Variants in NXPH1 observed in about 807,000 individuals in gnomAD.
The protein encoded by NXPH1 is neurexophilin-1.
NXPH1 carries 5 observed loss-of-function variants against 23.7 expected under a neutral mutation model. That is an observed-to-expected ratio of 0.21 (90% CI 0.11 to 0.44). The LOEUF is 0.44. Among genes scored for constraint, NXPH1 ranks in the 20% least tolerant of loss-of-function variants. The pLI is 0.99. For synonymous variants in NXPH1, 144 were observed against 122.2 expected, an observed-to-expected ratio of 1.18 and a Z score of -1.18; for missense variants, 324 against 321.6, an observed-to-expected ratio of 1.01 and a Z score of -0.06.
intron 2 of NXPH1, among the ~76,000 whole-genome samples, chr7:8,553,428 C>A (rs1245640244): frequency 6.6e-6 from 1 of 150,486 alleles, no homozygotes; most frequent in South Asian, 2.1e-4. Flanking sequence ...CAGAAATTGG[C>A]TGGTACATAA....
At chr7:8,714,209 T>C (rs1779842249) in intron 2 of NXPH1, among the ~76,000 whole-genome samples, 1 of 152,108 alleles carries the variant, frequency 6.6e-6, no homozygotes, top group Non-Finnish European at 1.5e-5. Context: ...TCTTCCTGTG[T>C]CCATCACCAC....
intron 2 of NXPH1, among the ~76,000 whole-genome samples, chr7:8,702,387 A>G (rs571765159): frequency 3.3e-5 from 5 of 152,070 alleles, no homozygotes; most frequent in Non-Finnish European, 7.4e-5. Flanking sequence ...ACTTATTCAA[A>G]CCCGATATTT....
At chr7:8,671,978 CATT>C (rs1820875332) in intron 2 of NXPH1, among the ~76,000 whole-genome samples, 4 of 151,990 alleles carry the variant, frequency 2.6e-5, no homozygotes, top group African/African-American at 9.7e-5. Context: ...TGTTTGAGTT[CATT>C]GTAGATTCTG....
chr7:8,584,221 T>A (rs1818937015), intron 2 of NXPH1, among the ~76,000 whole-genome samples: 1 of 152,188 alleles, frequency 6.6e-6, no homozygotes, highest in Non-Finnish European at 1.5e-5. Flanking sequence ...GAATCAGGAC[T>A]TGGCCCTAGA....
At chr7:8,436,395 C>T (rs1816195596) in intron 2 of NXPH1, among the ~76,000 whole-genome samples, 1 of 152,196 alleles carries the variant, frequency 6.6e-6, no homozygotes, top group African/African-American at 2.4e-5. Flanking sequence ...AACTAAATCC[C>T]ATCTCCAGTG....
intron 2 of NXPH1, among the ~76,000 whole-genome samples, chr7:8,451,769 G>T (rs540803834): frequency 1.3e-5 from 2 of 152,266 alleles, no homozygotes; most frequent in South Asian, 4.2e-4. Flanking sequence ...TTATATCATC[G>T]TCTTACATGT....
chr7:8,456,805 C>T (rs987414187), intron 2 of NXPH1, among the ~76,000 whole-genome samples: 1 of 152,166 alleles, frequency 6.6e-6, no homozygotes, highest in Non-Finnish European at 1.5e-5. Flanking sequence ...CCTTTTATAT[C>T]TATTCCATGG....
chr7:8,498,813 A>G (rs1382036694), intron 2 of NXPH1, among the ~76,000 whole-genome samples: 1 of 152,092 alleles, frequency 6.6e-6, no homozygotes, highest in Non-Finnish European at 1.5e-5. Flanking sequence ...TAAGAGGGAT[A>G]AGATTTAGAC....
chr7:8,729,031 T>G (rs1268276736), intron 2 of NXPH1, among the ~76,000 whole-genome samples: 1 of 152,046 alleles, frequency 6.6e-6, no homozygotes, highest in Non-Finnish European at 1.5e-5. Context: ...GTTATTGGTC[T>G]ATTCAGAGAT....
At chr7:8,655,427 T>TA (rs1349123901) in intron 2 of NXPH1, among the ~76,000 whole-genome samples, 39 of 72,160 alleles carry the variant, frequency 5.4e-4, no homozygotes, top group East Asian at 4.3e-3. Context: ...TCTCTCTCTC[T>TA]CTCTCTCTCT....
At chr7:8,731,922 G>A (rs1363205607) in intron 2 of NXPH1, among the ~76,000 whole-genome samples, 6 of 152,228 alleles carry the variant, frequency 3.9e-5, no homozygotes, top group East Asian at 3.9e-4. Context: ...GGGCAATGGC[G>A]GGCGCCCCTC....
At chr7:8,487,027 T>C (rs1045868195) in intron 2 of NXPH1, among the ~76,000 whole-genome samples, 1 of 152,174 alleles carries the variant, frequency 6.6e-6, no homozygotes, top group Non-Finnish European at 1.5e-5. Context: ...AGAACCTATG[T>C]TTTTTTCATT....
chr7:8,481,843 A>G (rs75832400), intron 2 of NXPH1, among the ~76,000 whole-genome samples: 4,107 of 152,096 alleles, frequency 0.027, 87 homozygotes, highest in Middle Eastern at 0.044. Flanking sequence ...CCTCCCCTGT[A>G]GTCCCCAGTG....
chr7:8,508,957 A>G (rs1329964473), intron 2 of NXPH1, among the ~76,000 whole-genome samples: 19 of 152,030 alleles, frequency 1.2e-4, no homozygotes, highest in Admixed American at 1.2e-3. Context: ...CTCAAACACA[A>G]TTTCTTGTGG....
intron 2 of NXPH1, among the ~76,000 whole-genome samples, chr7:8,501,097 G>A (rs978152742): frequency 6.6e-6 from 1 of 151,986 alleles, no homozygotes; most frequent in Non-Finnish European, 1.5e-5. Flanking sequence ...CATAGTTTTG[G>A]TTTTTGCTTT....
chr7:8,545,359 T>C (rs939467645), intron 2 of NXPH1, among the ~76,000 whole-genome samples: 2 of 151,516 alleles, frequency 1.3e-5, no homozygotes, highest in African/African-American at 4.8e-5. Flanking sequence ...ATTGTAATTA[T>C]TTATGTTGCT....
At chr7:8,532,298 A>G (rs961799269) in intron 2 of NXPH1, among the ~76,000 whole-genome samples, 1 of 152,104 alleles carries the variant, frequency 6.6e-6, no homozygotes, top group South Asian at 2.1e-4. Flanking sequence ...AATTAAATCT[A>G]TGTATCAATT....
intron 2 of NXPH1, among the ~76,000 whole-genome samples, chr7:8,709,245 T>C (rs573833762): frequency 6.6e-6 from 1 of 152,334 alleles, no homozygotes; most frequent in East Asian, 1.9e-4. Context: ...ATGGTAGTCC[T>C]CTTTGAAAGT....
intron 2 of NXPH1, among the ~76,000 whole-genome samples, chr7:8,692,468 A>G (rs1221959328): frequency 1.3e-5 from 2 of 152,196 alleles, no homozygotes; most frequent in African/African-American, 2.4e-5. Context: ...TAGGAATATA[A>G]TAGTTGGTGA....
Sources: allele counts gnomAD v4.1 joint callset (sites outside exome capture counted in the v4.1 genomes callset), GRCh38; gene constraint gnomAD v4.1.1; transcripts MANE v1.5; gene names NCBI Gene and HGNC (gene_info 2026-07-23, HGNC 2026-07-21).